Variants in CYP2A13 observed in about 807,000 individuals in gnomAD.
The protein encoded by CYP2A13 is cytochrome P450 2A13.
CYP2A13 carries 30 observed loss-of-function variants against 39.4 expected under a neutral mutation model. That is an observed-to-expected ratio of 0.76 (90% confidence interval 0.57 to 1.03). The LOEUF is 1.03. Among genes scored for constraint, CYP2A13 ranks in the 50% least tolerant of loss-of-function variants. CYP2A13 has a pLI of 0.00. For missense variants in CYP2A13, 731 were observed against 648.4 expected (o/e 1.13, Z -1.38); for synonymous variants, 269 against 254.7 (o/e 1.06, Z -0.54).
At chr19:41,090,224 C>G (rs1362954238) in intron 3 of CYP2A13, 28 bp downstream of exon 3, 1 of 1,549,020 alleles carries the variant, frequency 6.5e-7, no homozygotes, top group East Asian at 2.3e-5. Flanking sequence ...AGTGCGAGGG[C>G]GGGAACCCGC....
At chr19:41,092,040 C>T (rs1424146186) in intron 5 of CYP2A13, 132 bp downstream of exon 5, 17 of 1,372,716 alleles carry the variant, frequency 1.2e-5, no homozygotes, top group Middle Eastern at 4.4e-4. Context: ...ATTGGCCAGG[C>T]GCGGTGGCTC....
intron 3 of CYP2A13, 103 bp from the exon 4 acceptor site, chr19:41,090,301 G>A (rs1014813059): frequency 1.3e-6 from 2 of 1,578,618 alleles, no homozygotes; most frequent in South Asian, 1.2e-5. Flanking sequence ...GGAGTCTGGC[G>A]CTGGGATTCG....
intron 6 of CYP2A13, 88 bp downstream of exon 6, chr19:41,093,859 C>G: frequency 6.7e-7 from 1 of 1,497,384 alleles, no homozygotes; most frequent in Admixed American, 2.1e-5. Flanking sequence ...ATCCCAGATC[C>G]CAGGACCCTG....
chr19:41,090,601 C>A (rs1163908199), intron 4 of CYP2A13, 37 bp downstream of exon 4: 1 of 1,613,652 alleles, frequency 6.2e-7, no homozygotes, highest in Non-Finnish European at 8.5e-7. Context: ...GCCCCTACCA[C>A]AACCTGCCAA....
chr19:41,088,816 C>G (rs1792041918), intron 1 of CYP2A13, 113 bp from the exon 2 acceptor site: 4 of 1,548,034 alleles, frequency 2.6e-6, no homozygotes, highest in Admixed American at 3.8e-5. Flanking sequence ...GGATGTCCAG[C>G]TCCCTGACTG....
chr19:41,093,767 G>A lies in CYP2A13; in HGVS notation c.969G>A (p.Val323=), dbSNP rs1172805251. 10 of 1,613,844 alleles carry A rather than the reference G, an allele frequency of 6.2e-6. No individual in the cohort carries two copies. In the South Asian group the frequency reaches 9.9e-5, roughly 16 times the overall value. ...TGCTGCTCATGAAGCACCCAGAGGT[G>A]GAGGGTAAGACTGGAAAGGGAGGAA... ...GFLLLMKHPE[V]EAKVHEEIDR... is the part of the protein sequence containing the mutation. Residue 323 remains valine, a synonymous_variant, in exon 6 of 9, where the codon GTG becomes GTA. Transcript: ENST00000330436.
rs201731003 is a variant in CYP2A13, at chr19:41,095,955, T to A, written c.*14T>A. 1 of 1,313,696 alleles carries A rather than the reference T, an allele frequency of 7.6e-7. No homozygotes were observed. Among genetic ancestry groups the A allele is most frequent in the East Asian group, 5.0e-5 (1 of 20,186 alleles). The allele number at this position is 1,313,696 out of a possible 1,614,324, so 81.4% of individuals were successfully genotyped here. On this transcript the variant is annotated 3_prime_UTR_variant, in exon 9 of 9. Coordinates refer to ENST00000330436, the MANE Select transcript of CYP2A13 (RefSeq NM_000766.5). Reference sequence around the variant, plus strand: ...CTGCCCCGCTGAGCGAGGGCTGTGCTGGTGCAGGGCTGGTGGGCGGGGCCA... The same window carrying A: ...CTGCCCCGCTGAGCGAGGGCTGTGCAGGTGCAGGGCTGGTGGGCGGGGCCA...
At chr19:41,095,582 T>C (rs2031285949) in intron 8 of CYP2A13, among the ~76,000 whole-genome samples, 178 bp from the exon 9 acceptor site, 1 of 152,186 alleles carries the variant, frequency 6.6e-6, no homozygotes, top group South Asian at 2.1e-4. Context: ...GGTTCACCAT[T>C]GTTATATCTC....
intron 4 of CYP2A13, among the ~76,000 whole-genome samples, chr19:41,091,445 A>C (rs2031185986): frequency 6.6e-6 from 1 of 152,202 alleles, no homozygotes; most frequent in African/African-American, 2.4e-5. Context: ...CTTCACTTGA[A>C]TATCTGAACA....
In CYP2A13 at chr19:41,089,103, C is replaced by A. The variant is rs1369824007; in HGVS notation, c.343+12C>A. 7 of 1,611,622 alleles carry A rather than the reference C, an allele frequency of 4.3e-6. No homozygotes were observed. The highest frequency in any genetic ancestry group is 5.9e-6 in the Non-Finnish European group (7 of 1,179,546). ...CTTCAAAGGCTATGGTGAGGGGGTG[C>A]CCAAGAGGGGGAAGGTGGCCAGGTG... On this transcript the variant is annotated intron_variant, in intron 2 of 8. Transcript: ENST00000330436.
Position 41,095,766 on chromosome 19 carries a change from G to A in CYP2A13, c.1310G>A (p.Arg437Gln), listed in dbSNP as rs199942376. Reference sequence around the variant, plus strand: ...TCCTGCCTCTCCTCCTCAGGAAAGCGGTACTGTTTTGGAGAAGGCCTGGCC... The same window carrying A: ...TCCTGCCTCTCCTCCTCAGGAAAGCAGTACTGTTTTGGAGAAGGCCTGGCC... ...DAFVPFSIGKRYCFGEGLARM... is the reference protein window; with the variant it reads ...DAFVPFSIGKQYCFGEGLARM... The change falls in exon 9 of 9, where the codon CGG becomes CAG. Residue 437 changes from arginine to glutamine, a missense_variant. Transcript: ENST00000330436. 5.6e-6 allele frequency: 9 copies of A among 1,613,918 alleles called. No homozygotes were observed. The highest frequency in any genetic ancestry group is 7.6e-6 in the Non-Finnish European group (9 of 1,179,972).
Position 41,096,026 on chromosome 19 carries a change from T to G in CYP2A13, c.*85T>G, listed in dbSNP as rs2031302096. 1.1e-6 allele frequency: 1 copy of G among 944,426 alleles called. No individual in the cohort carries two copies. 58.5% of individuals were successfully genotyped at this position (944,426 alleles called of 1,614,324 possible). Reference sequence around the variant, plus strand: ...GCGGGGCTTGTGGGAGGGGCGGGGCTAAGAATGGGGGCAGTGGGGGAAGGA... The same window carrying G: ...GCGGGGCTTGTGGGAGGGGCGGGGCGAAGAATGGGGGCAGTGGGGGAAGGA... On this transcript the variant is annotated 3_prime_UTR_variant, in exon 9 of 9. Coordinates refer to ENST00000330436, the MANE Select transcript of CYP2A13 (RefSeq NM_000766.5).
At position 41,096,096 on chromosome 19, in the gene CYP2A13, A is replaced by C; in HGVS notation, c.*155A>C. The C allele has an allele frequency of 8.9e-7, 1 of 1,127,272 alleles. No homozygotes were observed. Among genetic ancestry groups the C allele is most frequent in the Non-Finnish European group, 1.3e-6 (1 of 795,206 alleles). 69.8% of individuals were successfully genotyped at this position (1,127,272 alleles called of 1,614,324 possible). On this transcript the variant is annotated 3_prime_UTR_variant, in exon 9 of 9. Coordinates refer to ENST00000330436, the MANE Select transcript of CYP2A13 (RefSeq NM_000766.5). Reference sequence around the variant, plus strand: ...GGAACAGAAGAAACAGAAGGGGCTCAGTTCACCTTGATGATGTCCTTCAGA... The same window carrying C: ...GGAACAGAAGAAACAGAAGGGGCTCCGTTCACCTTGATGATGTCCTTCAGA...
At position 41,095,107 on chromosome 19, in the gene CYP2A13, G is replaced by A; in HGVS notation, c.1303+7G>A. On this transcript the variant is annotated splice_region_variant and intron_variant, in intron 8 of 8. Transcript: ENST00000330436. ...TTTGTGCCCTTTTCCATCGGTAAGA[G>A]ACCACTGTTTGCTGCCAGGCCACGG... 1.2e-6 allele frequency: 2 copies of A among 1,614,070 alleles called. No individual in the cohort carries two copies. Among genetic ancestry groups the A allele is most frequent in the Non-Finnish European group, 1.7e-6 (2 of 1,180,014 alleles).
Position 41,090,506 on chromosome 19 carries a change from T to A in CYP2A13, c.596T>A (p.Leu199Gln), listed in dbSNP as rs369105775. The change falls in exon 4 of 9, where the codon CTG (leucine) becomes CAG (glutamine). Residue 199 changes from leucine to glutamine, a missense_variant. Physicochemically the swap from Leu to Gln is moderately radical, Grantham distance 113. Transcript: ENST00000330436. The stretch of plus-strand genomic sequence containing the variant: ...TTTGACTATGAGGACAAAGAGTTCC[T>A]GTCACTGTTGCGCATGATGCTGGGA... ...DRFDYEDKEF[L>Q]SLLRMMLGSF... is the part of the protein sequence containing the mutation. The A allele has an allele frequency of 6.2e-7, 1 of 1,614,200 alleles. No individual in the cohort carries two copies. The highest frequency in any genetic ancestry group is 8.5e-7 in the Non-Finnish European group (1 of 1,180,030).
Position 41,090,133 on chromosome 19 carries a change from G to C in CYP2A13, c.430G>C (p.Gly144Arg), listed in dbSNP as rs199643958. 54 of 1,605,780 alleles carry C rather than the reference G, an allele frequency of 3.4e-5. No homozygotes were observed. Among genetic ancestry groups the C allele is most frequent in the Admixed American group, 2.0e-4 (12 of 58,934 alleles). Residue 144 changes from glycine (G) to arginine (R), a missense_variant, in exon 3 of 9, where the codon GGC becomes CGC. Coordinates refer to ENST00000330436, the MANE Select transcript of CYP2A13 (RefSeq NM_000766.5). ...AAGGGGTTTTGGCGTGGGCAAGCGC[G>C]GCATCGAGGAACGCATCCAGGAGGA... ...TLRGFGVGKR[G>R]IEERIQEEAG...
chr19:41,092,312 TAAAAAAAAAAAAAAAAAA>T (rs529985444), intron 5 of CYP2A13, among the ~76,000 whole-genome samples: 2 of 53,782 alleles, frequency 3.7e-5, no homozygotes, highest in African/African-American at 7.1e-5. Context: ...CAAGACCCTG[TAAAAAAAAAAAAAAAAAA>T]AAAAAAAAAA....
chr19:41,091,986 ACACAGG>A lies in CYP2A13; in HGVS notation c.831+80_831+85del, dbSNP rs2144726041. 4 of 1,566,986 alleles carry A rather than the reference ACACAGG, an allele frequency of 2.6e-6. No individual in the cohort carries two copies. The South Asian group carries it at 4.8e-5, about 19-fold the overall frequency. On this transcript the variant is annotated intron_variant, in intron 5 of 8. Transcript: ENST00000330436. ...AGGATGGGAGTGGGGTGGGCAGACGACACAGGCCCATTCAAATTAGCCCTCGTCATA... is the reference window on the plus strand; with the variant it reads ...AGGATGGGAGTGGGGTGGGCAGACGACCCATTCAAATTAGCCCTCGTCATA...
Position 41,090,538 on chromosome 19 carries a change from C to A in CYP2A13, c.628C>A (p.Gln210Lys). 1 of 1,614,064 alleles carries A rather than the reference C, an allele frequency of 6.2e-7. No individual in the cohort carries two copies. Among genetic ancestry groups the A allele is most frequent in the Non-Finnish European group, 8.5e-7 (1 of 1,179,978 alleles). Residue 210 changes from glutamine (Q) to lysine (K), a missense_variant, in exon 4 of 9, where the codon CAG (glutamine) becomes AAG (lysine). Physicochemically the swap from Gln to Lys is moderately conservative, Grantham distance 53. Coordinates refer to ENST00000330436, the MANE Select transcript of CYP2A13 (RefSeq NM_000766.5). Reference protein sequence around the residue: ...SLLRMMLGSFQFTATSTGQLY... With the variant: ...SLLRMMLGSFKFTATSTGQLY... ...GTTGCGCATGATGCTGGGAAGCTTC[C>A]AGTTCACGGCAACCTCCACGGGGCA...
Sources: gnomAD v4.1 joint callset for allele counts (sites outside exome capture counted in the v4.1 genomes callset) on GRCh38, gnomAD v4.1.1 for gene constraint, MANE v1.5 for transcripts, NCBI Gene and HGNC (gene_info 2026-07-23, HGNC 2026-07-21) for gene names.